The following UNC5C variants were observed in gnomAD, a reference collection of about 807,000 sequenced individuals.
UNC5C encodes the protein netrin receptor UNC5C.
UNC5C carries 47 observed loss-of-function variants against 99.8 expected under a neutral mutation model. The ratio of observed to expected loss-of-function variants is 0.47; its 90% CI spans 0.37 to 0.60. The LOEUF is 0.60. Among genes scored for constraint, UNC5C ranks in the 20% least tolerant of loss-of-function variants. The pLI, the probability that UNC5C is intolerant of heterozygous loss-of-function variation, is 0.00. For missense variants in UNC5C, 1,062 were observed against 1,165.9 expected, an observed-to-expected ratio of 0.91 and a Z score of 1.30; for synonymous variants, 487 against 452.2, an observed-to-expected ratio of 1.08 and a Z score of -0.98.
intron 1 of UNC5C, among the ~76,000 whole-genome samples, chr4:95,449,583 G>A (rs543816852): frequency 6.6e-6 from 1 of 152,254 alleles, no homozygotes; most frequent in South Asian, 2.1e-4. Flanking sequence ...GCCATTGACA[G>A]GAATGAGGAA....
At chr4:95,431,344 T>C (rs1746630587) in intron 1 of UNC5C, among the ~76,000 whole-genome samples, 2 of 152,098 alleles carry the variant, frequency 1.3e-5, no homozygotes, top group South Asian at 4.1e-4. Context: ...ATTTCTAGGT[T>C]CCATCTTGGT....
chr4:95,481,557 T>A (rs1340196530), intron 1 of UNC5C, among the ~76,000 whole-genome samples: 1 of 151,962 alleles, frequency 6.6e-6, no homozygotes, highest in Non-Finnish European at 1.5e-5. Context: ...GCCAAGTCAA[T>A]CCTAAGCCAA....
intron 12 of UNC5C, among the ~76,000 whole-genome samples, chr4:95,200,830 A>G (rs1485604359): frequency 6.6e-6 from 1 of 152,138 alleles, no homozygotes; most frequent in East Asian, 1.9e-4. Context: ...TCCAAAAGAA[A>G]AGGCACAGTC....
At chr4:95,494,896 CATG>C (rs750996131) in intron 1 of UNC5C, among the ~76,000 whole-genome samples, 1 of 151,276 alleles carries the variant, frequency 6.6e-6, no homozygotes, top group Non-Finnish European at 1.5e-5. Flanking sequence ...AAACTGATTT[CATG>C]ATAAATTTTA....
At chr4:95,249,529 A>T (rs1248755160) in intron 5 of UNC5C, among the ~76,000 whole-genome samples, 1 of 152,234 alleles carries the variant, frequency 6.6e-6, no homozygotes, top group Non-Finnish European at 1.5e-5. Context: ...CATTGTGAGA[A>T]ATATGTAAAT....
At chr4:95,326,517 T>C (rs1239993538) in intron 2 of UNC5C, among the ~76,000 whole-genome samples, 1 of 152,196 alleles carries the variant, frequency 6.6e-6, no homozygotes, top group South Asian at 2.1e-4. Context: ...GAAGGCAACA[T>C]AGGTATGTAT....
Position 95,236,252 on chromosome 4 carries a change from C to A in UNC5C, c.1108+6177G>T, listed in dbSNP as rs1489900530. On this transcript the variant is annotated intron_variant, in intron 7 of 15. Transcript: ENST00000453304. Reference sequence around the variant, plus strand: ...ATATACACCATGGAATACTATGCAGCCATAAAAAGGATGAGTTCATGTCCT... The same window carrying A: ...ATATACACCATGGAATACTATGCAGACATAAAAAGGATGAGTTCATGTCCT... Among the ~76,000 whole-genome samples the A allele has an allele frequency of 3.9e-5, 6 of 152,116 alleles. No homozygotes were observed. The East Asian group carries it at 1.2e-3, about 29-fold the overall frequency.
At position 95,373,488 on chromosome 4, in the gene UNC5C, G is replaced by A. The variant is rs79082393; in HGVS notation, c.125-37857C>T. Among the ~76,000 whole-genome samples the A allele has an allele frequency of 3.4e-3, 511 of 152,188 alleles. 2 individuals carry two copies. Among genetic ancestry groups the A allele is most frequent in the Non-Finnish European group, 5.4e-3 (364 of 68,016 alleles). On this transcript the variant is annotated intron_variant, in intron 1 of 15. Transcript: ENST00000453304. The stretch of plus-strand genomic sequence containing the variant: ...AAGAATACTTCCCTGACTGTGATCC[G>A]TCTCCTTACGCACCATTTCATTCTT...
intron 7 of UNC5C, among the ~76,000 whole-genome samples, chr4:95,223,400 T>G (rs1738549819): frequency 6.6e-6 from 1 of 152,158 alleles, no homozygotes; most frequent in Non-Finnish European, 1.5e-5. Context: ...TGGTTCAAAA[T>G]GAAAGGTCTA....
At chr4:95,391,569 T>C (rs1745359952) in intron 1 of UNC5C, among the ~76,000 whole-genome samples, 3 of 152,152 alleles carry the variant, frequency 2.0e-5, no homozygotes, top group African/African-American at 7.2e-5. Context: ...TCTTGTATTC[T>C]TTCCTTTTCT....
In UNC5C at chr4:95,169,233, GTT is replaced by G. The variant is rs1414269035; in HGVS notation, c.2795_2796del (p.Ter932SerfsTer31). On this transcript the variant is annotated frameshift_variant and stop_lost, in exon 16 of 16. Transcript: ENST00000453304. LOFTEE classifies it high-confidence loss of function. The part of the protein sequence containing the change: ...VVSLAAEGQY[*>X] Reference sequence around the variant, plus strand: ...CTTCATTTCCCCTTCCAGCATGGTGGTTAATACTGCCCTTCTGCTGCTAAGGA... The same window carrying G: ...CTTCATTTCCCCTTCCAGCATGGTGGAATACTGCCCTTCTGCTGCTAAGGA... 3.1e-6 allele frequency: 5 copies of G among 1,613,886 alleles called. No homozygotes were observed. Among genetic ancestry groups the G allele is most frequent in the Non-Finnish European group, 4.2e-6 (5 of 1,179,984 alleles).
intron 1 of UNC5C, among the ~76,000 whole-genome samples, chr4:95,392,444 T>TAAA (rs1169560884): frequency 0.059 from 8,747 of 147,344 alleles, 882 homozygotes; most frequent in African/African-American, 0.2. Flanking sequence ...TTTTTTTTTT[T>TAAA]AAAAAAAAAA....
intron 1 of UNC5C, among the ~76,000 whole-genome samples, chr4:95,396,714 C>A (rs1745521489): frequency 6.6e-6 from 1 of 152,148 alleles, no homozygotes; most frequent in African/African-American, 2.4e-5. Flanking sequence ...CATCAGCATG[C>A]ATTTCCCCAT....
chr4:95,171,245 T>G (rs1310233186), intron 14 of UNC5C, among the ~76,000 whole-genome samples: 1 of 152,032 alleles, frequency 6.6e-6, no homozygotes, highest in Non-Finnish European at 1.5e-5. Context: ...TATTTATTAT[T>G]ATTATACTTT....
intron 4 of UNC5C, among the ~76,000 whole-genome samples, chr4:95,269,169 A>G (rs1247338267): frequency 6.6e-6 from 1 of 152,226 alleles, no homozygotes; most frequent in Non-Finnish European, 1.5e-5. Context: ...ACCTGGCTAT[A>G]TATCATGTCT....
chr4:95,198,431 A>G (rs2149358832), intron 12 of UNC5C, among the ~76,000 whole-genome samples: 1 of 152,226 alleles, frequency 6.6e-6, no homozygotes, highest in Non-Finnish European at 1.5e-5. Context: ...TGAAGATGAA[A>G]TCCAGAGCAC....
chr4:95,536,205 A>G (rs1722779995), intron 1 of UNC5C, among the ~76,000 whole-genome samples: 1 of 151,820 alleles, frequency 6.6e-6, no homozygotes, highest in Non-Finnish European at 1.5e-5. Flanking sequence ...CTTCCCAAGT[A>G]GCTGGGACTA....
chr4:95,236,194 A>T (rs1162131779), intron 7 of UNC5C, among the ~76,000 whole-genome samples: 4 of 152,180 alleles, frequency 2.6e-5, no homozygotes. Context: ...CAAATGTCCA[A>T]CAATGATAGA....
chr4:95,424,329 C>T (rs1244196819), intron 1 of UNC5C, among the ~76,000 whole-genome samples: 1 of 149,984 alleles, frequency 6.7e-6, no homozygotes, highest in Non-Finnish European at 1.5e-5. Flanking sequence ...ACCATATATA[C>T]GTGTCTGTGT....
Sources: gnomAD v4.1 joint callset for allele counts (sites outside exome capture counted in the v4.1 genomes callset) on GRCh38, gnomAD v4.1.1 for gene constraint, MANE v1.5 for transcripts, NCBI Gene and HGNC (gene_info 2026-07-23, HGNC 2026-07-21) for gene names.